Variants in ATG7 observed in about 807,000 individuals in gnomAD.
ATG7 encodes the protein autophagy related 7.
In ATG7, 70 loss-of-function variants were observed where a neutral mutation model predicts 82.4. The observed-to-expected ratio is 0.85, with a 90% CI of 0.70 to 1.04. ATG7 has a LOEUF of 1.04. Among genes scored for constraint, ATG7 ranks in the 50% least tolerant of loss-of-function variants. ATG7 has a pLI of 0.00. For synonymous variants in ATG7, 287 were observed against 313.0 expected, an observed-to-expected ratio of 0.92 and a Z score of 0.88; for missense variants, 792 against 864.3, an observed-to-expected ratio of 0.92 and a Z score of 1.05.
intron 20 of ATG7, among the ~76,000 whole-genome samples, chr3:11,492,136 C>T (rs546427294): frequency 6.6e-5 from 10 of 152,302 alleles, no homozygotes; most frequent in South Asian, 2.1e-4. Flanking sequence ...TAGGACCCTC[C>T]GAGCCAGGTG....
intron 3 of ATG7, among the ~76,000 whole-genome samples, chr3:11,285,502 T>C (rs571590751): frequency 6.6e-6 from 1 of 152,254 alleles, no homozygotes; most frequent in South Asian, 2.1e-4. Context: ...ATGGATAACA[T>C]ACATAAAGTG....
the ATG7 span, among the ~76,000 whole-genome samples, chr3:11,569,114 T>C: frequency 6.6e-6 from 1 of 152,178 alleles, no homozygotes; most frequent in African/African-American, 2.4e-5. Context: ...ATTGAAAGAA[T>C]CCATCACGTG....
At chr3:11,571,378 T>A in the ATG7 span, among the ~76,000 whole-genome samples, 111 of 152,200 alleles carry the variant, frequency 7.3e-4, 1 homozygote, top group South Asian at 1.9e-3. Flanking sequence ...ACGTAATGTT[T>A]CCCCCATTAA....
chr3:11,477,234 C>T (rs1317450372), intron 20 of ATG7: 30 of 1,281,556 alleles, frequency 2.3e-5, no homozygotes, highest in African/African-American at 3.0e-5. Context: ...TTTTATTCCT[C>T]GCCCATCTGA....
Position 11,488,314 on chromosome 3 carries a change from GC to G in ATG7, c.2079+61392del. ...GCAGGCGGCTGCTCCTTGCCCTCGG[GC>G]CCCGCGGGGTCCGTCCGCTCCTCCA... On this transcript the variant is annotated intron_variant, in intron 20 of 20. Coordinates refer to ENST00000693202, the MANE Select transcript of ATG7 (RefSeq NM_001349232.2). The G allele has an allele frequency of 1.6e-5, 5 of 309,014 alleles. No homozygotes were observed. The Admixed American group carries it at 2.1e-4, about 13-fold the overall frequency. 19.1% of individuals were successfully genotyped at this position (309,014 alleles called of 1,614,324 possible).
chr3:11,558,500 G>A (rs1322637894), downstream of ATG7: 31 of 1,219,696 alleles, frequency 2.5e-5, no homozygotes, highest in Admixed American at 1.0e-4. Context: ...AGTACTGACT[G>A]TTCAAAGCTC....
At chr3:11,287,596 G>C (rs189219814) in intron 3 of ATG7, among the ~76,000 whole-genome samples, 1 of 152,252 alleles carries the variant, frequency 6.6e-6, no homozygotes, top group Non-Finnish European at 1.5e-5. Flanking sequence ...GATGTAGAAT[G>C]CTGCTGATGC....
In ATG7 at chr3:11,277,893, C is replaced by CA. The variant is rs1215175411; in HGVS notation, c.-365-3101_-365-3100insA. Reference sequence around the variant, plus strand: ...ACTCCCAGAGCGGCCCTTTATAGACCCCCCCCCCCCCACCAGGAATGCATT... The same window carrying CA: ...ACTCCCAGAGCGGCCCTTTATAGACCACCCCCCCCCCCACCAGGAATGCATT... On this transcript the variant is annotated intron_variant, in intron 1 of 20. Coordinates refer to ENST00000693202, the MANE Select transcript of ATG7 (RefSeq NM_001349232.2). 2.5e-3 allele frequency among the ~76,000 whole-genome samples: 202 copies of CA among 82,360 alleles called. 23 individuals carry two copies. Among genetic ancestry groups the CA allele is most frequent in the African/African-American group, 0.011 (192 of 18,244 alleles). The allele number at this position is 82,360 out of a possible 152,430, so 54.0% of individuals were successfully genotyped here.
chr3:11,339,019 G>A (rs1054968040), intron 11 of ATG7, among the ~76,000 whole-genome samples: 3 of 152,240 alleles, frequency 2.0e-5, no homozygotes, highest in African/African-American at 4.8e-5. Flanking sequence ...TGTACAGGCC[G>A]GGCGTGGTAA....
intron 3 of ATG7, among the ~76,000 whole-genome samples, chr3:11,289,414 A>G (rs957143505): frequency 3.9e-5 from 6 of 152,208 alleles, no homozygotes; most frequent in East Asian, 3.8e-4. Context: ...TGTCCTGTTT[A>G]GGTATTTCCA....
chr3:11,544,594 G>A (rs537081665), intron 20 of ATG7, among the ~76,000 whole-genome samples: 4 of 152,302 alleles, frequency 2.6e-5, no homozygotes, highest in South Asian at 2.1e-4. Flanking sequence ...AGCTGCTCCC[G>A]CCTGGGGATG....
At chr3:11,450,777 G>T (rs772320199) in intron 20 of ATG7, among the ~76,000 whole-genome samples, 1 of 152,190 alleles carries the variant, frequency 6.6e-6, no homozygotes, top group Non-Finnish European at 1.5e-5. Context: ...AGTGATATAG[G>T]TTCTAGCTTT....
chr3:11,482,415 A>G (rs1308744959), intron 20 of ATG7, among the ~76,000 whole-genome samples: 18 of 152,196 alleles, frequency 1.2e-4, no homozygotes, highest in Admixed American at 1.1e-3. Context: ...TGTAGCCAGC[A>G]GCAAAGAAAG....
intron 18 of ATG7, among the ~76,000 whole-genome samples, chr3:11,378,608 C>G (rs1227440572): frequency 7.2e-6 from 1 of 139,558 alleles, no homozygotes; most frequent in Non-Finnish European, 1.5e-5. Flanking sequence ...TCACTTGAAC[C>G]CAGGAGGCAG....
At chr3:11,358,723 G>A (rs758039666) in intron 15 of ATG7, 111 bp downstream of exon 15, 1 of 1,174,446 alleles carries the variant, frequency 8.5e-7, no homozygotes, top group Non-Finnish European at 1.2e-6. Flanking sequence ...GTGTGACCTG[G>A]TAGCATAGTG....
chr3:11,395,695 C>A (rs2079156748), intron 19 of ATG7, among the ~76,000 whole-genome samples: 1 of 152,108 alleles, frequency 6.6e-6, no homozygotes, highest in South Asian at 2.1e-4. Context: ...AATCCCAGCA[C>A]TTTGGGAGGC....
chr3:11,446,466 C>A, intron 20 of ATG7: 1 of 422,008 alleles, frequency 2.4e-6, no homozygotes, highest in South Asian at 1.7e-5. Context: ...GGAAACTTGG[C>A]GTCATCATTC....
At chr3:11,381,586 C>T (rs2077903015) in intron 19 of ATG7, among the ~76,000 whole-genome samples, 1 of 152,196 alleles carries the variant, frequency 6.6e-6, no homozygotes, top group South Asian at 2.1e-4. Flanking sequence ...AATAGCTTAG[C>T]ATTTTTCTTT....
chr3:11,390,205 A>G (rs1039111326), intron 19 of ATG7, among the ~76,000 whole-genome samples: 2 of 152,206 alleles, frequency 1.3e-5, no homozygotes, highest in African/African-American at 4.8e-5. Context: ...TATGTACAAT[A>G]TTTTCGTTAT....
Sources: gnomAD v4.1 joint callset for allele counts (sites outside exome capture counted in the v4.1 genomes callset) on GRCh38, gnomAD v4.1.1 for gene constraint, MANE v1.5 for transcripts, NCBI Gene and HGNC (gene_info 2026-07-23, HGNC 2026-07-21) for gene names.